CCSER1: variants seen among roughly 807,000 people sequenced by gnomAD.
CCSER1 encodes the protein serine-rich coiled-coil domain-containing protein 1.
In CCSER1, 41 loss-of-function variants were observed where a neutral mutation model predicts 82.0. The ratio of observed to expected loss-of-function variants is 0.50; its 90% CI spans 0.39 to 0.65. CCSER1 has a LOEUF of 0.65. Ranked by LOEUF, CCSER1 falls within the 30% of genes least tolerant of loss-of-function variation. The probability of loss-of-function intolerance (pLI) is 0.00; values close to 1 mark genes in which losing one functional copy is unlikely to be tolerated. For synonymous variants in CCSER1, 414 were observed against 383.9 expected (o/e 1.08, Z -0.92); for missense variants, 1,119 against 1,064.2 (o/e 1.05, Z -0.72).
rs1397253318 is a variant in CCSER1 at position 91,390,018 on chromosome 4, C to T, written c.2218-208554C>T. On this transcript the variant is annotated intron_variant, in intron 10 of 10. Coordinates refer to ENST00000509176, the MANE Select transcript of CCSER1 (RefSeq NM_001145065.2). Reference sequence around the variant, plus strand: ...ATCATGTATCTTCATATATCTGTGACAAAGACAGTTTTATTTCTTCCTTCC... The same window carrying T: ...ATCATGTATCTTCATATATCTGTGATAAAGACAGTTTTATTTCTTCCTTCC... Among the ~76,000 whole-genome samples, 8 of 151,944 alleles carry T rather than the reference C, an allele frequency of 5.3e-5. No individual in the cohort carries two copies. The East Asian group carries it at 1.5e-3, about 29-fold the overall frequency.
intron 4 of CCSER1, among the ~76,000 whole-genome samples, chr4:90,427,256 A>G (rs567624210): frequency 4.5e-4 from 69 of 151,998 alleles, no homozygotes; most frequent in African/African-American, 1.5e-3. Context: ...AAATTATTAA[A>G]TTATGTTAAA....
intron 5 of CCSER1, among the ~76,000 whole-genome samples, chr4:90,586,659 C>T (rs1312512779): frequency 1.3e-5 from 2 of 152,152 alleles, no homozygotes; most frequent in African/African-American, 2.4e-5. Flanking sequence ...AGAAATAAAT[C>T]ATATCTATAC....
intron 10 of CCSER1, among the ~76,000 whole-genome samples, chr4:91,525,249 G>T (rs940161951): frequency 6.6e-6 from 1 of 152,070 alleles, no homozygotes; most frequent in Non-Finnish European, 1.5e-5. Context: ...TACAAGAAAG[G>T]CTTCTCTTAC....
intron 10 of CCSER1, among the ~76,000 whole-genome samples, chr4:91,472,779 C>A (rs1757353560): frequency 6.6e-6 from 1 of 152,120 alleles, no homozygotes; most frequent in Non-Finnish European, 1.5e-5. Context: ...TATGACAAGC[C>A]TTAACAATAG....
At chr4:90,563,949 T>C (rs1779074647) in intron 5 of CCSER1, among the ~76,000 whole-genome samples, 1 of 152,188 alleles carries the variant, frequency 6.6e-6, no homozygotes, top group Non-Finnish European at 1.5e-5. Flanking sequence ...CAACTCCTTT[T>C]AGCCTTTGCC....
At chr4:90,765,020 A>G (rs77460482) in intron 7 of CCSER1, among the ~76,000 whole-genome samples, 190 of 152,116 alleles carry the variant, frequency 1.2e-3, no homozygotes, top group Middle Eastern at 3.4e-3. Flanking sequence ...CTTTTCCCCA[A>G]TGAAAAGTAG....
intron 9 of CCSER1, among the ~76,000 whole-genome samples, chr4:90,988,256 G>T (rs1736726758): frequency 7.0e-6 from 1 of 142,060 alleles, no homozygotes; most frequent in African/African-American, 2.6e-5. Flanking sequence ...GATCCCTTGA[G>T]CCAGGAAGGT....
At chr4:90,311,713 G>A (rs1203330985) in intron 2 of CCSER1, among the ~76,000 whole-genome samples, 21 of 152,046 alleles carry the variant, frequency 1.4e-4, no homozygotes, top group Admixed American at 1.4e-3. Context: ...TGAGTTATCT[G>A]GCAATTTAAC....
chr4:91,120,275 A>G (rs1467757256), intron 10 of CCSER1, among the ~76,000 whole-genome samples: 1 of 152,066 alleles, frequency 6.6e-6, no homozygotes, highest in Non-Finnish European at 1.5e-5. Flanking sequence ...TAGTTGGAGC[A>G]AAGTGTGGCT....
At chr4:91,149,299 C>T (rs543560760) in intron 10 of CCSER1, among the ~76,000 whole-genome samples, 36 of 152,308 alleles carry the variant, frequency 2.4e-4, no homozygotes, top group African/African-American at 8.2e-4. Context: ...AGTGTCTGTT[C>T]ATATCCTTTG....
chr4:90,674,468 A>G (rs1485116613), intron 6 of CCSER1, among the ~76,000 whole-genome samples: 1 of 151,974 alleles, frequency 6.6e-6, no homozygotes, highest in East Asian at 1.9e-4. Context: ...GAAGTGTAAA[A>G]GAGGGGAGGA....
intron 10 of CCSER1, among the ~76,000 whole-genome samples, chr4:91,546,812 T>C (rs899448615): frequency 1.3e-5 from 2 of 151,992 alleles, no homozygotes; most frequent in Non-Finnish European, 2.9e-5. Flanking sequence ...TTGTGGATAT[T>C]TACATGATTG....
rs570135796 is a variant in CCSER1, at chr4:90,335,886, G to T, written c.1509+22839G>T. Reference sequence around the variant, plus strand: ...TCCCGCCTTGTCTTTCCAAAGTGCTGGGATTACAGGCGTGAGCCATCACGC... The same window carrying T: ...TCCCGCCTTGTCTTTCCAAAGTGCTTGGATTACAGGCGTGAGCCATCACGC... On this transcript the variant is annotated intron_variant, in intron 3 of 10. Coordinates refer to ENST00000509176, the MANE Select transcript of CCSER1 (RefSeq NM_001145065.2). Among the ~76,000 whole-genome samples the T allele has an allele frequency of 1.5e-4, 23 of 152,274 alleles. 1 individual carries two copies. The highest frequency in any genetic ancestry group is 1.3e-3 in the Admixed American group (20 of 15,300).
intron 8 of CCSER1, among the ~76,000 whole-genome samples, chr4:90,845,277 G>T (rs772046961): frequency 2.7e-5 from 4 of 150,192 alleles, no homozygotes; most frequent in Non-Finnish European, 4.4e-5. Context: ...CAGAAAAATC[G>T]CTAGAACCTG....
intron 10 of CCSER1, among the ~76,000 whole-genome samples, chr4:91,101,444 G>A (rs968543376): frequency 2.6e-5 from 4 of 152,124 alleles, no homozygotes; most frequent in African/African-American, 9.7e-5. Flanking sequence ...TTTAAGACCA[G>A]GTTGAGCATG....
At position 90,959,740 on chromosome 4, in the gene CCSER1, C is replaced by CTTT. The variant is rs57697228; in HGVS notation, c.2172+36304_2172+36306dup. 8.3e-3 allele frequency among the ~76,000 whole-genome samples: 1,176 copies of CTTT among 141,030 alleles called. 11 individuals carry two copies. The highest frequency in any genetic ancestry group is 0.015 in the African/African-American group (560 of 38,404). 92.5% of individuals were successfully genotyped at this position (141,030 alleles called of 152,430 possible). A position where few individuals can be genotyped will look rare whatever the true frequency, so the allele number is the denominator to read the frequency against. Reference sequence around the variant, plus strand: ...CTGTGGAAGTTCTGCCTCGGGTTTTCTTTTTTTTTTTTTCGTTTGTTTTCT... The same window carrying CTTT: ...CTGTGGAAGTTCTGCCTCGGGTTTTCTTTTTTTTTTTTTTTTCGTTTGTTTTCT... On this transcript the variant is annotated intron_variant, in intron 9 of 10. Transcript: ENST00000509176.
At chr4:91,136,287 C>T (rs937034446) in intron 10 of CCSER1, among the ~76,000 whole-genome samples, 1 of 152,176 alleles carries the variant, frequency 6.6e-6, no homozygotes, top group South Asian at 2.1e-4. Context: ...AATGTCCTCT[C>T]CTTCCTCATC....
At chr4:91,088,095 A>AT (rs1723566348) in intron 10 of CCSER1, among the ~76,000 whole-genome samples, 1 of 152,134 alleles carries the variant, frequency 6.6e-6, no homozygotes, top group Non-Finnish European at 1.5e-5. Context: ...GCATAACAAG[A>AT]TGTACAATGT....
intron 8 of CCSER1, among the ~76,000 whole-genome samples, chr4:90,859,311 T>A (rs777655763): frequency 8.6e-5 from 13 of 151,896 alleles, no homozygotes; most frequent in Non-Finnish European, 1.3e-4. Context: ...GAAAAAATGT[T>A]ATTGTCCACT....
Sources: gnomAD v4.1 joint callset for allele counts (sites outside exome capture counted in the v4.1 genomes callset) on GRCh38, gnomAD v4.1.1 for gene constraint, MANE v1.5 for transcripts, NCBI Gene and HGNC (gene_info 2026-07-23, HGNC 2026-07-21) for gene names.